HIBCH: variants seen among roughly 807,000 people sequenced by gnomAD.
The protein encoded by HIBCH is 3-hydroxyisobutyryl-CoA hydrolase, also known as 3-hydroxyisobutyryl-CoA hydrolase, mitochondrial.
Under a neutral mutation model 58.2 loss-of-function variants are expected in HIBCH, and 50 were observed. That is an observed-to-expected ratio of 0.86 (90% CI 0.68 to 1.09). HIBCH has a LOEUF of 1.09. HIBCH is among the 50% of genes least tolerant of loss of function. The pLI, the probability that HIBCH is intolerant of heterozygous loss-of-function variation, is 0.00. For missense variants in HIBCH, 450 were observed against 449.7 expected, an observed-to-expected ratio of 1.00 and a Z score of -0.01; for synonymous variants, 151 against 146.9, an observed-to-expected ratio of 1.03 and a Z score of -0.20.
intron 7 of HIBCH, among the ~76,000 whole-genome samples, chr2:190,255,938 C>G (rs1269778742): frequency 6.6e-6 from 1 of 152,116 alleles, no homozygotes; most frequent in African/African-American, 2.4e-5. Flanking sequence ...GTTTAATTGA[C>G]TCATAGTTCC....
intron 1 of HIBCH, among the ~76,000 whole-genome samples, chr2:190,318,525 A>G (rs1438606778): frequency 6.6e-6 from 1 of 152,176 alleles, no homozygotes; most frequent in Non-Finnish European, 1.5e-5. Flanking sequence ...TTCAGGGCTG[A>G]GTCTGGAAAA....
rs1394695064 is a variant in HIBCH, at chr2:190,207,489, T to C, written c.1045+1391A>G. Among the ~76,000 whole-genome samples, 1 of 152,234 alleles carries C rather than the reference T, an allele frequency of 6.6e-6. No individual in the cohort carries two copies. Among genetic ancestry groups the C allele is most frequent in the Non-Finnish European group, 1.5e-5 (1 of 68,044 alleles). On this transcript the variant is annotated intron_variant, in intron 13 of 13. Coordinates refer to ENST00000359678, the MANE Select transcript of HIBCH (RefSeq NM_014362.4). The surrounding 1 kb of genome is among the most constrained non-coding windows in gnomAD (Gnocchi z 4.5). Reference sequence around the variant, plus strand: ...TTCAATCAAGTCCTTATTTCTGATATTGTATCATGTCAGAAATGAAGAGAA... The same window carrying C: ...TTCAATCAAGTCCTTATTTCTGATACTGTATCATGTCAGAAATGAAGAGAA...
chr2:190,233,280 G>T (rs888200976), intron 11 of HIBCH, among the ~76,000 whole-genome samples: 1 of 151,930 alleles, frequency 6.6e-6, no homozygotes, highest in Non-Finnish European at 1.5e-5. Flanking sequence ...AGAGAGAAAA[G>T]GCAAGTCACA....
At chr2:190,224,025 C>T (rs191358274) in intron 11 of HIBCH, among the ~76,000 whole-genome samples, 10 of 152,304 alleles carry the variant, frequency 6.6e-5, no homozygotes, top group South Asian at 2.1e-4. Flanking sequence ...CCGTGACAGA[C>T]GGTACCTGGA....
At position 190,243,477 on chromosome 2, in the gene HIBCH, G is replaced by T. The variant is rs965121833; in HGVS notation, c.891+1410C>A. On this transcript the variant is annotated intron_variant, in intron 11 of 13. Transcript: ENST00000359678. The surrounding 1 kb of genome is among the most constrained non-coding windows in gnomAD (Gnocchi z 4.1). ...AACCCTGATACACCAACTTAAAGTC[G>T]GATTCCTTGAATTATAAAATGACTA... 3.9e-5 allele frequency among the ~76,000 whole-genome samples: 6 copies of T among 152,014 alleles called. No homozygotes were observed. Among genetic ancestry groups the T allele is most frequent in the African/African-American group, 7.2e-5 (3 of 41,380 alleles).
intron 10 of HIBCH, 31 bp from the exon 11 acceptor site, chr2:190,244,999 T>C (rs773897332): frequency 7.7e-7 from 1 of 1,302,684 alleles, no homozygotes; most frequent in South Asian, 1.2e-5. Flanking sequence ...ATTTCACCAA[T>C]GTGTAAGTGA....
intron 1 of HIBCH, among the ~76,000 whole-genome samples, chr2:190,192,134 A>G (rs1007677545): frequency 2.0e-5 from 3 of 152,140 alleles, no homozygotes; most frequent in Non-Finnish European, 4.4e-5. Context: ...TCTATAAAGT[A>G]TAAGGTATAA....
At chr2:190,280,548 G>A (rs1876877) in intron 6 of HIBCH, among the ~76,000 whole-genome samples, 80,461 of 152,092 alleles carry the variant, frequency 0.53, 22,192 homozygotes, top group South Asian at 0.61. Flanking sequence ...GGAGCTGGGC[G>A]AGTGGGCCCA....
intron 2 of HIBCH, among the ~76,000 whole-genome samples, chr2:190,302,324 T>A (rs147661852): frequency 6.6e-6 from 1 of 152,294 alleles, no homozygotes; most frequent in South Asian, 2.1e-4. Context: ...AGGAGGCACA[T>A]GCATGTATAG....
chr2:190,228,572 C>A (rs185328154), intron 11 of HIBCH, among the ~76,000 whole-genome samples: 1 of 151,942 alleles, frequency 6.6e-6, no homozygotes, highest in African/African-American at 2.4e-5. Flanking sequence ...AGAGAGAGAA[C>A]ACAGACTGTT....
At chr2:190,252,440 G>A (rs2105941896) in intron 7 of HIBCH, 133 bp from the exon 8 acceptor site, 1 of 768,200 alleles carries the variant, frequency 1.3e-6, no homozygotes. Flanking sequence ...ATTAAACTAA[G>A]TACTATACAC....
At chr2:190,196,265 A>G (rs994932294) in intron 1 of HIBCH, among the ~76,000 whole-genome samples, 4 of 151,192 alleles carry the variant, frequency 2.6e-5, no homozygotes, top group Non-Finnish European at 5.9e-5. Flanking sequence ...TTTTCCCTCC[A>G]TTTTTCAGAT....
At position 190,210,116 on chromosome 2, in the gene HIBCH, C is replaced by G. The variant is rs573709811; in HGVS notation, c.1012-1203G>C. On this transcript the variant is annotated intron_variant, in intron 12 of 13. Transcript: ENST00000359678. This position sits in a 1 kb window ranked among gnomAD's most constrained non-coding sequence, Gnocchi z 5.5. ...TTGATTCCACAGTCCCAGCTTCTAT[C>G]CTATTTCACTTTCAAGAGTATTCAT... is the stretch of plus-strand genomic sequence containing the variant. Among the ~76,000 whole-genome samples the G allele has an allele frequency of 6.6e-6, 1 of 152,118 alleles. No individual in the cohort carries two copies. Among genetic ancestry groups the G allele is most frequent in the African/African-American group, 2.4e-5 (1 of 41,478 alleles).
At chr2:190,261,040 T>G (rs530359670) in intron 7 of HIBCH, 116 bp downstream of exon 7, 53 of 774,164 alleles carry the variant, frequency 6.8e-5, no homozygotes, top group Non-Finnish European at 1.0e-4. Flanking sequence ...TTAAAATCCT[T>G]TCATTGTTGC....
At chr2:190,280,366 G>T (rs1317404222) in intron 6 of HIBCH, among the ~76,000 whole-genome samples, 1 of 152,104 alleles carries the variant, frequency 6.6e-6, no homozygotes, top group East Asian at 1.9e-4. Flanking sequence ...CATGAGCAGG[G>T]CAGAGAGCTC....
chr2:190,318,698 T>C (rs575837914), intron 1 of HIBCH, among the ~76,000 whole-genome samples: 1 of 152,308 alleles, frequency 6.6e-6, no homozygotes, highest in African/African-American at 2.4e-5. Flanking sequence ...TGTTTCTCTA[T>C]TTGCTATTTG....
At chr2:190,272,291 T>C (rs1022063967) in intron 6 of HIBCH, among the ~76,000 whole-genome samples, 1 of 152,190 alleles carries the variant, frequency 6.6e-6, no homozygotes, top group African/African-American at 2.4e-5. Flanking sequence ...AGACATCCAA[T>C]AAGTTTTGCT....
chr2:190,314,652 T>A (rs1035348584), intron 1 of HIBCH, among the ~76,000 whole-genome samples: 14 of 151,854 alleles, frequency 9.2e-5, no homozygotes, highest in African/African-American at 3.4e-4. Flanking sequence ...CTTATTTTTG[T>A]ATTTTTAGTA....
At chr2:190,250,015 T>C (rs1471142372) in intron 8 of HIBCH, among the ~76,000 whole-genome samples, 1 of 152,154 alleles carries the variant, frequency 6.6e-6, no homozygotes. Context: ...TACATATAAA[T>C]TTTATTTTAT....
Sources: allele counts gnomAD v4.1 joint callset (sites outside exome capture counted in the v4.1 genomes callset), GRCh38; gene constraint gnomAD v4.1.1; non-coding constraint Gnocchi (gnomAD v3.1); transcripts MANE v1.5; gene names NCBI Gene and HGNC (gene_info 2026-07-23, HGNC 2026-07-21).